The following TTLL5 variants were observed in gnomAD, a reference collection of about 807,000 sequenced individuals.
TTLL5 encodes tubulin polyglutamylase TTLL5.
A neutral mutation model predicts 168.4 loss-of-function variants in TTLL5; 132 were observed. The ratio of observed to expected loss-of-function variants is 0.78; its 90% CI spans 0.68 to 0.91. The LOEUF (loss-of-function observed/expected upper bound fraction) is 0.91, where lower values mean the gene tolerates loss of function less well. Ranked by LOEUF, TTLL5 falls within the 40% of genes least tolerant of loss-of-function variation. The pLI, the probability that TTLL5 is intolerant of heterozygous loss-of-function variation, is 0.00. For synonymous variants in TTLL5, 546 were observed against 558.6 expected (o/e 0.98, Z 0.32); for missense variants, 1,545 against 1,581.5 (o/e 0.98, Z 0.39).
Position 75,717,909 on chromosome 14 carries a change from G to A in TTLL5, c.789G>A (p.Gln263=). The A allele has an allele frequency of 6.2e-7, 1 of 1,613,828 alleles. No homozygotes were observed. ...YDQGAKNIRN[Q]FMHLTNYSVN... ...AAGGAGCCAAGAACATTCGGAACCA[G>A]TTCATGCATCTGACAAACTACAGTG... is the stretch of plus-strand genomic sequence containing the variant. The change falls in exon 10 of 32, where the codon CAG becomes CAA. Residue 263 remains glutamine (Q), a synonymous_variant. Coordinates refer to ENST00000298832, the MANE Select transcript of TTLL5 (RefSeq NM_015072.5).
chr14:75,827,707 CTTTTTTTTTTTTTTTT>C (rs561078439), intron 28 of TTLL5, among the ~76,000 whole-genome samples: 2 of 53,172 alleles, frequency 3.8e-5, no homozygotes, highest in African/African-American at 8.0e-5. Flanking sequence ...TGGCTTGGTT[CTTTTTTTTTTTTTTTT>C]TTTTTTTTTT....
At chr14:75,676,813 C>T (rs949315358) in intron 3 of TTLL5, among the ~76,000 whole-genome samples, 50 of 151,186 alleles carry the variant, frequency 3.3e-4, no homozygotes, top group Non-Finnish European at 5.6e-4. Context: ...CTCTGTCACC[C>T]ACGCTGAAGT....
chr14:75,922,158 A>G (rs1177854518), intron 31 of TTLL5, among the ~76,000 whole-genome samples: 2 of 118,044 alleles, frequency 1.7e-5, no homozygotes, highest in East Asian at 4.5e-4. Flanking sequence ...TTTTCTAAAT[A>G]TACAATCATG....
chr14:75,705,971 C>T (rs1886630664), intron 7 of TTLL5, among the ~76,000 whole-genome samples: 1 of 152,082 alleles, frequency 6.6e-6, no homozygotes, highest in South Asian at 2.1e-4. Context: ...GGTTCAAATC[C>T]CTTTGTCAGT....
chr14:75,807,157 A>G (rs190103658), intron 27 of TTLL5, among the ~76,000 whole-genome samples: 2 of 152,260 alleles, frequency 1.3e-5, no homozygotes, highest in East Asian at 3.9e-4. Flanking sequence ...TTCTTTAAAA[A>G]CGATTGATGG....
At chr14:75,703,193 T>G (rs1886406324) in intron 7 of TTLL5, among the ~76,000 whole-genome samples, 1 of 152,090 alleles carries the variant, frequency 6.6e-6, no homozygotes, top group South Asian at 2.1e-4. Flanking sequence ...TGTGAGTGAG[T>G]GAGGGATTTA....
chr14:75,677,537 C>T (rs1458407563), intron 3 of TTLL5, among the ~76,000 whole-genome samples: 2 of 151,826 alleles, frequency 1.3e-5, no homozygotes, highest in African/African-American at 4.8e-5. Flanking sequence ...GCTGGGACTA[C>T]AGGCGCACAG....
intron 18 of TTLL5, among the ~76,000 whole-genome samples, chr14:75,760,723 AT>A: frequency 6.6e-6 from 1 of 152,056 alleles, no homozygotes; most frequent in Non-Finnish European, 1.5e-5. Flanking sequence ...TGAATATCGT[AT>A]TTTTAAAAAT....
chr14:75,755,204 G>A (rs1406430776), intron 18 of TTLL5, among the ~76,000 whole-genome samples: 1 of 151,972 alleles, frequency 6.6e-6, no homozygotes, highest in Non-Finnish European at 1.5e-5. Context: ...GGTGGAGGTT[G>A]CTCTGAGCTA....
At chr14:75,776,117 C>G (rs541070406) in intron 22 of TTLL5, among the ~76,000 whole-genome samples, 1 of 152,214 alleles carries the variant, frequency 6.6e-6, no homozygotes, top group South Asian at 2.1e-4. Context: ...CATTCTATAT[C>G]CCGGGATCTC....
chr14:75,909,371 C>A (rs2033276301), intron 31 of TTLL5, among the ~76,000 whole-genome samples: 1 of 149,794 alleles, frequency 6.7e-6, no homozygotes, highest in African/African-American at 2.5e-5. Flanking sequence ...GCCAATCCAG[C>A]CAATCCAAAG....
At chr14:75,794,164 A>G (rs1470966306) in intron 27 of TTLL5, among the ~76,000 whole-genome samples, 2 of 152,190 alleles carry the variant, frequency 1.3e-5, no homozygotes, top group Admixed American at 1.3e-4. Flanking sequence ...AAGGGAGTAA[A>G]TAAGAAGGCC....
chr14:75,895,518 G>GT (rs908020205), intron 30 of TTLL5, among the ~76,000 whole-genome samples: 3 of 150,526 alleles, frequency 2.0e-5, no homozygotes, highest in Non-Finnish European at 3.0e-5. Flanking sequence ...ATAAAAAGAG[G>GT]TTTTTTTTTA....
chr14:75,783,248 T>C lies in TTLL5; in HGVS notation c.2704T>C (p.Ser902Pro). ...GAAAATTCCCAACACCCATTTGTCA[T>C]CTGTTACAACCTCTGACCTCTCTCC... The part of the protein sequence containing the change: ...LQKIPNTHLS[S>P]VTTSDLSPGP... The change falls in exon 26 of 32, where the codon TCT becomes CCT. Residue 902 changes from serine to proline, a missense_variant. Coordinates refer to ENST00000298832, the MANE Select transcript of TTLL5 (RefSeq NM_015072.5). 1 of 1,614,226 alleles carries C rather than the reference T, an allele frequency of 6.2e-7. No homozygotes were observed.
rs117833017 is a variant in TTLL5 at position 75,679,378 on chromosome 14, A to G, written c.182-2167A>G. ...CAAGGAATGGAAAAGGGAAGGAAACAAATCCTACCCAGAGCCCACAGAAAG... is the reference window on the plus strand; with the variant it reads ...CAAGGAATGGAAAAGGGAAGGAAACGAATCCTACCCAGAGCCCACAGAAAG... On this transcript the variant is annotated intron_variant, in intron 3 of 31. Coordinates refer to ENST00000298832, the MANE Select transcript of TTLL5 (RefSeq NM_015072.5). Among the ~76,000 whole-genome samples the G allele has an allele frequency of 4.7e-4, 71 of 152,330 alleles. No homozygotes were observed. The East Asian group carries it at 7.7e-3, about 17-fold the overall frequency.
Position 75,758,715 on chromosome 14 carries a change from C to A in TTLL5, c.1550+5760C>A, listed in dbSNP as rs562733151. ...AAATGATACAGAGTATGTTCTTTGG[C>A]CCCAGTAGAATTGAATATCAATAAC... is the stretch of plus-strand genomic sequence containing the variant. On this transcript the variant is annotated intron_variant, in intron 18 of 31. Coordinates refer to ENST00000298832, the MANE Select transcript of TTLL5 (RefSeq NM_015072.5). Among the ~76,000 whole-genome samples the A allele has an allele frequency of 5.9e-5, 9 of 152,066 alleles. No homozygotes were observed. The South Asian group carries it at 1.9e-3, about 32-fold the overall frequency.
intron 27 of TTLL5, among the ~76,000 whole-genome samples, chr14:75,804,142 A>C (rs976361301): frequency 6.6e-6 from 1 of 152,164 alleles, no homozygotes; most frequent in Non-Finnish European, 1.5e-5. Context: ...GGGAGGAGAT[A>C]CTTTTTGCTC....
chr14:75,896,019 G>A (rs2032646036), intron 30 of TTLL5, among the ~76,000 whole-genome samples: 1 of 152,154 alleles, frequency 6.6e-6, no homozygotes, highest in Non-Finnish European at 1.5e-5. Flanking sequence ...AAATACGGGG[G>A]AATAGATAAT....
At chr14:75,754,372 C>T (rs962785671) in intron 18 of TTLL5, among the ~76,000 whole-genome samples, 1 of 152,100 alleles carries the variant, frequency 6.6e-6, no homozygotes, top group African/African-American at 2.4e-5. Context: ...TTCTATATAT[C>T]TGCAAATGTA....
Sources: gnomAD v4.1 joint callset for allele counts (sites outside exome capture counted in the v4.1 genomes callset) on GRCh38, gnomAD v4.1.1 for gene constraint, MANE v1.5 for transcripts, NCBI Gene and HGNC (gene_info 2026-07-23, HGNC 2026-07-21) for gene names.